Variants in PCBP3 observed in about 807,000 individuals in gnomAD.
PCBP3 encodes the protein poly(rC) binding protein 3, also known as poly(rC)-binding protein 3.
A neutral mutation model predicts 52.7 loss-of-function variants in PCBP3; 25 were observed. That is an observed-to-expected ratio of 0.47 (90% CI 0.35 to 0.66). The LOEUF (loss-of-function observed/expected upper bound fraction) is 0.66, where lower values mean the gene tolerates loss of function less well. PCBP3 is among the 30% of genes least tolerant of loss of function. PCBP3 has a pLI of 0.01. For synonymous variants in PCBP3, 162 were observed against 183.0 expected (o/e 0.89, Z 0.93); for missense variants, 391 against 490.3 (o/e 0.80, Z 1.91).
intron 4 of PCBP3, chr21:45,762,486 C>CTTTTTTTTTTTT (rs1401689005): frequency 6.3e-5 from 6 of 95,304 alleles, no homozygotes; most frequent in African/African-American, 2.0e-4. Flanking sequence ...CTTTTCTTTT[C>CTTTTTTTTTTTT]TTCTCTTTTT....
At chr21:45,747,931 G>C (rs1389570378) in intron 3 of PCBP3, 1 of 152,194 alleles carries the variant, frequency 6.6e-6, no homozygotes, top group Non-Finnish European at 1.5e-5. Flanking sequence ...CTGCCCTCCC[G>C]GAGGTTGAGA....
At chr21:45,889,411 A>G (rs775398845) in intron 5 of PCBP3, among the ~76,000 whole-genome samples, 1 of 152,210 alleles carries the variant, frequency 6.6e-6, no homozygotes, top group South Asian at 2.1e-4. Flanking sequence ...GACCCAGCCC[A>G]GCTCTGAATG....
intron 5 of PCBP3, among the ~76,000 whole-genome samples, chr21:45,893,283 G>A (rs944001649): frequency 2.0e-5 from 3 of 151,514 alleles, no homozygotes; most frequent in African/African-American, 7.3e-5. Context: ...CCTGGCACCT[G>A]TCACAGCAGG....
intron 2 of PCBP3, among the ~76,000 whole-genome samples, chr21:45,734,030 T>C (rs1346332522): frequency 3.9e-5 from 6 of 152,372 alleles, no homozygotes; most frequent in Non-Finnish European, 5.9e-5. Context: ...AACTTTGTAT[T>C]GTTGGACTCT....
chr21:45,903,405 T>C (rs2096117663), intron 9 of PCBP3, among the ~76,000 whole-genome samples: 1 of 152,094 alleles, frequency 6.6e-6, no homozygotes. Flanking sequence ...GCAATTTGTT[T>C]AGAGTCAGTT....
chr21:45,940,527 A>C (rs1387054941), intron 17 of PCBP3, among the ~76,000 whole-genome samples: 1 of 152,258 alleles, frequency 6.6e-6, no homozygotes, highest in African/African-American at 2.4e-5. Flanking sequence ...TTGTCCGCTC[A>C]GAGGTCTCCA....
At chr21:45,883,506 G>A (rs2095448737) in intron 5 of PCBP3, among the ~76,000 whole-genome samples, 1 of 152,008 alleles carries the variant, frequency 6.6e-6, no homozygotes, top group South Asian at 2.1e-4. Flanking sequence ...CTGTCGTTGT[G>A]GATTTTTATA....
At chr21:45,687,637 AACTC>A (rs1187429793) in intron 2 of PCBP3, among the ~76,000 whole-genome samples, 1 of 152,214 alleles carries the variant, frequency 6.6e-6, no homozygotes, top group Non-Finnish European at 1.5e-5. Context: ...ATATGAATAA[AACTC>A]ACATTAAATA....
rs1013273032 is a variant in PCBP3 at position 45,896,934 on chromosome 21, T to G, written c.165+572T>G. On this transcript the variant is annotated intron_variant, in intron 6 of 17. Transcript: ENST00000681687. ...ATTGTCTCTGTAGGAAAGGCGGACA[T>G]GGCACATAGAACCGGAGATGCACTG... Among the ~76,000 whole-genome samples, 385 of 107,368 alleles carry G rather than the reference T, an allele frequency of 3.6e-3. 41 individuals are homozygous for G. Among genetic ancestry groups the G allele is most frequent in the Middle Eastern group, 5.8e-3 (1 of 172 alleles). 70.4% of individuals were successfully genotyped at this position (107,368 alleles called of 152,430 possible). A position where few individuals can be genotyped will look rare whatever the true frequency, so the allele number is the denominator to read the frequency against.
At chr21:45,730,248 GC>G (rs2085354499) in intron 2 of PCBP3, among the ~76,000 whole-genome samples, 1 of 151,658 alleles carries the variant, frequency 6.6e-6, no homozygotes, top group South Asian at 2.1e-4. Context: ...AGGTCAAAAT[GC>G]TTTCTTATTT....
chr21:45,810,633 T>A (rs941684437), intron 4 of PCBP3, among the ~76,000 whole-genome samples: 1 of 152,204 alleles, frequency 6.6e-6, no homozygotes, highest in African/African-American at 2.4e-5. Flanking sequence ...AGAGACACTT[T>A]CATTTTTCTC....
intron 1 of PCBP3, among the ~76,000 whole-genome samples, chr21:45,659,660 A>G (rs2080257774): frequency 6.6e-6 from 1 of 152,040 alleles, no homozygotes; most frequent in African/African-American, 2.4e-5. Context: ...CTCATTTTTA[A>G]TGATCTCAAA....
intron 2 of PCBP3, among the ~76,000 whole-genome samples, chr21:45,674,720 A>T (rs1436737175): frequency 6.6e-6 from 1 of 152,192 alleles, no homozygotes; most frequent in Non-Finnish European, 1.5e-5. Flanking sequence ...TATTATTCAT[A>T]TGATTAGTGT....
chr21:45,687,856 G>A (rs574718621), intron 2 of PCBP3, among the ~76,000 whole-genome samples: 22 of 151,588 alleles, frequency 1.5e-4, no homozygotes, highest in African/African-American at 4.8e-4. Context: ...TCAGCCTCCC[G>A]AGTAGCTGGG....
At position 45,736,607 on chromosome 21, in the gene PCBP3, G is replaced by A. The variant is rs771813106; in HGVS notation, c.-162+1178G>A. Among the ~76,000 whole-genome samples the A allele has an allele frequency of 5.3e-5, 8 of 152,146 alleles. No homozygotes were observed. The highest frequency in any genetic ancestry group is 1.3e-4 in the Admixed American group (2 of 15,288). ...GGGGAGTTGGCAGGGGGAGGCTCTC[G>A]GAGAGATGGCATGGAGGGGTTGGGG... On this transcript the variant is annotated intron_variant, in intron 3 of 17. Coordinates refer to ENST00000681687, the MANE Select transcript of PCBP3 (RefSeq NM_001384156.1). The surrounding 1 kb of genome is among the most constrained non-coding windows in gnomAD (Gnocchi z 4.6).
At chr21:45,649,170 A>G (rs1426587423) in intron 1 of PCBP3, among the ~76,000 whole-genome samples, 2 of 152,320 alleles carry the variant, frequency 1.3e-5, no homozygotes, top group East Asian at 1.9e-4. Context: ...TACATCTCAC[A>G]TGGCAGCAGA....
At chr21:45,758,779 G>A (rs553124386) in intron 4 of PCBP3, among the ~76,000 whole-genome samples, 69 of 152,112 alleles carry the variant, frequency 4.5e-4, no homozygotes, top group African/African-American at 1.6e-3. Context: ...GTGGGATGTT[G>A]ATTAGAGATG....
intron 2 of PCBP3, among the ~76,000 whole-genome samples, chr21:45,682,276 G>A (rs757409469): frequency 2.5e-4 from 38 of 152,090 alleles, no homozygotes; most frequent in Non-Finnish European, 4.7e-4. Context: ...TCCTTGGGTC[G>A]CACGGTCTCT....
At position 45,810,218 on chromosome 21, in the gene PCBP3, CTGTG is replaced by C. The variant is rs149677854; in HGVS notation, c.-125-39718_-125-39715del. Among the ~76,000 whole-genome samples the C allele has an allele frequency of 2.3e-3, 345 of 148,168 alleles. 6 individuals are homozygous for C. The highest frequency in any genetic ancestry group is 1.2e-3 in the East Asian group (6 of 5,022). On this transcript the variant is annotated intron_variant, in intron 4 of 17. Coordinates refer to ENST00000681687, the MANE Select transcript of PCBP3 (RefSeq NM_001384156.1). ...AACCCTACTTGGTCGTGATTCGATT[CTGTG>C]TGTGTGTGTGTGTGTGTGTGTGTGA... is the stretch of plus-strand genomic sequence containing the variant.
Sources: gnomAD v4.1 joint callset for allele counts (sites outside exome capture counted in the v4.1 genomes callset) on GRCh38, gnomAD v4.1.1 for gene constraint, Gnocchi (gnomAD v3.1) non-coding constraint, MANE v1.5 for transcripts, NCBI Gene and HGNC (gene_info 2026-07-23, HGNC 2026-07-21) for gene names.